FGF14: variants seen among roughly 807,000 people sequenced by gnomAD.
FGF14 encodes the protein fibroblast growth factor 14.
In FGF14, 5 loss-of-function variants were observed where a neutral mutation model predicts 25.5. That is an observed-to-expected ratio of 0.20 (90% confidence interval 0.10 to 0.41). The LOEUF is 0.41. Among genes scored for constraint, FGF14 ranks in the 10% least tolerant of loss-of-function variants. The pLI is 1.00. For missense variants in FGF14, 222 were observed against 320.1 expected (o/e 0.69, Z 2.34); for synonymous variants, 138 against 118.3 (o/e 1.17, Z -1.08).
intron 1 of FGF14, among the ~76,000 whole-genome samples, chr13:102,073,811 T>C (rs1403733314): frequency 6.6e-6 from 1 of 152,188 alleles, no homozygotes; most frequent in African/African-American, 2.4e-5. Flanking sequence ...TAAAAATTAA[T>C]GGAAAAACAA....
At chr13:102,124,077 T>C (rs2045849688) in intron 1 of FGF14, among the ~76,000 whole-genome samples, 2 of 152,006 alleles carry the variant, frequency 1.3e-5, no homozygotes, top group South Asian at 4.1e-4. Context: ...ATGAAAATAA[T>C]TTGAAGGCAA....
At chr13:101,993,642 T>C (rs76507446) in intron 1 of FGF14, among the ~76,000 whole-genome samples, 2,763 of 152,130 alleles carry the variant, frequency 0.018, 45 homozygotes, top group Non-Finnish European at 0.027. Context: ...TGGATAAACA[T>C]TACTTGTAAG....
chr13:101,735,372 TAC>T (rs1247387082), intron 3 of FGF14, among the ~76,000 whole-genome samples: 3 of 151,978 alleles, frequency 2.0e-5, no homozygotes, highest in African/African-American at 7.3e-5. Context: ...CCTCTATACC[TAC>T]AGATAAAAAA....
intron 1 of FGF14, among the ~76,000 whole-genome samples, chr13:102,074,390 A>T (rs779594971): frequency 6.6e-6 from 1 of 152,070 alleles, no homozygotes; most frequent in Non-Finnish European, 1.5e-5. Flanking sequence ...CCAACTCCCT[A>T]CCTGGCGAGC....
chr13:102,127,090 G>T (rs80334232), intron 1 of FGF14, among the ~76,000 whole-genome samples: 8,431 of 151,670 alleles, frequency 0.056, 276 homozygotes, highest in Middle Eastern at 0.18. Flanking sequence ...CAGGATGCCT[G>T]CCTCACTCAT....
At chr13:102,337,336 T>C (rs747624900) in intron 1 of FGF14, among the ~76,000 whole-genome samples, 5 of 152,104 alleles carry the variant, frequency 3.3e-5, no homozygotes, top group Admixed American at 6.6e-5. Context: ...TAACTACTGA[T>C]TGGGTTGAAA....
At chr13:101,794,445 AC>A (rs1182599882) in intron 3 of FGF14, among the ~76,000 whole-genome samples, 1 of 152,120 alleles carries the variant, frequency 6.6e-6, no homozygotes, top group Admixed American at 6.6e-5. Context: ...ACCAAGCAGG[AC>A]CACTTATGTA....
rs1023137885 is a variant in FGF14 at position 101,720,693 on chromosome 13, G to GA, written c.*2137dup. 1.3e-5 allele frequency: 2 copies of GA among 151,922 alleles called. No individual in the cohort carries two copies. The highest frequency in any genetic ancestry group is 4.8e-5 in the African/African-American group (2 of 41,336). The allele number at this position is 151,922 out of a possible 1,614,324, so 9.4% of individuals were successfully genotyped here. On this transcript the variant is annotated 3_prime_UTR_variant, in exon 5 of 5. Coordinates refer to ENST00000376143, the MANE Select transcript of FGF14 (RefSeq NM_004115.4). Reference sequence around the variant, plus strand: ...ACATATTATGGGATCTATGTTTTCTGAAAATAATTGGTTAATGGAAGTTAT... The same window carrying GA: ...ACATATTATGGGATCTATGTTTTCTGAAAAATAATTGGTTAATGGAAGTTAT...
chr13:101,836,296 C>T (rs965651657), intron 3 of FGF14, among the ~76,000 whole-genome samples: 4 of 152,052 alleles, frequency 2.6e-5, no homozygotes, highest in African/African-American at 9.7e-5. Flanking sequence ...CTCTCATTTT[C>T]CTCCCTCCAA....
At position 102,194,567 on chromosome 13, in the gene FGF14, A is replaced by G. The variant is rs540057161; in HGVS notation, c.208+206904T>C. Among the ~76,000 whole-genome samples the G allele has an allele frequency of 1.5e-4, 23 of 152,330 alleles. No individual in the cohort carries two copies. The South Asian group carries it at 4.8e-3, about 32-fold the overall frequency. ...AGACTATCTAGTCTGTGGAATATAA[A>G]GAAAAAATAATGAAGAAAAATGAAC... On this transcript the variant is annotated intron_variant, in intron 1 of 4. Coordinates refer to the FGF14 transcript ENST00000376131.
chr13:102,003,190 T>C (rs1262585587), intron 1 of FGF14: 1 of 152,228 alleles, frequency 6.6e-6, no homozygotes, highest in Non-Finnish European at 1.5e-5. Context: ...TCAAGTCTTA[T>C]TGCCAGTAAG....
intron 3 of FGF14, among the ~76,000 whole-genome samples, chr13:101,774,998 G>C (rs1418769652): frequency 1.4e-5 from 2 of 147,182 alleles, no homozygotes; most frequent in Non-Finnish European, 3.0e-5. Context: ...GGATTGGAAA[G>C]AAGAGATATG....
At chr13:102,155,256 G>C (rs1298309673) in intron 1 of FGF14, among the ~76,000 whole-genome samples, 2 of 152,108 alleles carry the variant, frequency 1.3e-5, no homozygotes, top group African/African-American at 2.4e-5. Context: ...TGACCACATA[G>C]GTGGAAGTAA....
intron 1 of FGF14, among the ~76,000 whole-genome samples, chr13:102,201,102 C>CAAAAA (rs60149871): frequency 4.9e-4 from 31 of 62,718 alleles, no homozygotes; most frequent in African/African-American, 1.6e-3. Context: ...CTCCGTCTCT[C>CAAAAA]AAAAAAAAAA....
intron 3 of FGF14, among the ~76,000 whole-genome samples, chr13:101,802,918 GA>G (rs1444160075): frequency 6.6e-6 from 1 of 152,106 alleles, no homozygotes; most frequent in African/African-American, 2.4e-5. Flanking sequence ...GGCTGTGGGA[GA>G]AGAGGCCTTT....
chr13:101,962,729 T>G (rs957608061), intron 1 of FGF14, among the ~76,000 whole-genome samples: 1 of 152,212 alleles, frequency 6.6e-6, no homozygotes, highest in African/African-American at 2.4e-5. Context: ...TTCATGACAG[T>G]TGTATGCAAC....
chr13:102,086,402 C>A lies in FGF14; in HGVS notation c.209-211106G>T, dbSNP rs553915804. ...AATATTAGCCGGGCGTGGTGGCGGG[C>A]GCATGTAGTCCCAGCTACTCGGGAG... On this transcript the variant is annotated intron_variant, in intron 1 of 4. Transcript: ENST00000376131. 5.0e-4 allele frequency among the ~76,000 whole-genome samples: 76 copies of A among 151,864 alleles called. 2 individuals are homozygous for A. In the South Asian group the frequency reaches 0.015, roughly 31 times the overall value.
chr13:101,827,599 A>G (rs2042450239), intron 3 of FGF14, among the ~76,000 whole-genome samples: 1 of 151,926 alleles, frequency 6.6e-6, no homozygotes, highest in Non-Finnish European at 1.5e-5. Context: ...GCTAAAATTC[A>G]TTACTTCAAT....
chr13:102,161,570 A>AAGAAGAAGAAGAAGAAGAAG lies in FGF14; in HGVS notation c.208+239900_208+239901insCTTCTTCTTCTTCTTCTTCT. Reference sequence around the variant, plus strand: ...TCTATGCAACCAACTTTCTGTGAAGAAAGAAAGAAGAAGAAGAAGAAGAAG... The same window carrying AAGAAGAAGAAGAAGAAGAAG: ...TCTATGCAACCAACTTTCTGTGAAGAAGAAGAAGAAGAAGAAGAAGAAGAAAGAAGAAGAAGAAGAAGAAG... On this transcript the variant is annotated intron_variant, in intron 1 of 4. Coordinates refer to the FGF14 transcript ENST00000376131. Among the ~76,000 whole-genome samples, 19 of 5,652 alleles carry AAGAAGAAGAAGAAGAAGAAG rather than the reference A, an allele frequency of 3.4e-3. 3 individuals are homozygous for AAGAAGAAGAAGAAGAAGAAG. The highest frequency in any genetic ancestry group is 7.8e-3 in the Admixed American group (2 of 258). 3.7% of individuals were successfully genotyped at this position (5,652 alleles called of 152,430 possible).
Sources: allele counts gnomAD v4.1 joint callset (sites outside exome capture counted in the v4.1 genomes callset), GRCh38; gene constraint gnomAD v4.1.1; transcripts MANE v1.5; gene names NCBI Gene and HGNC (gene_info 2026-07-23, HGNC 2026-07-21).